HP1BP3: variants seen among roughly 807,000 people sequenced by gnomAD.
HP1BP3 encodes heterochromatin protein 1 binding protein 3, also known as heterochromatin protein 1-binding protein 3.
A neutral mutation model predicts 62.5 loss-of-function variants in HP1BP3; 12 were observed. The observed-to-expected ratio is 0.19, with a 90% CI of 0.12 to 0.31. HP1BP3 has a LOEUF of 0.31. HP1BP3 is among the 10% of genes least tolerant of loss of function. The pLI is 1.00. For synonymous variants in HP1BP3, 260 were observed against 237.8 expected, an observed-to-expected ratio of 1.09 and a Z score of -0.86; for missense variants, 502 against 651.8, an observed-to-expected ratio of 0.77 and a Z score of 2.50.
At chr1:20,745,899 C>T (rs1489742300) in intron 11 of HP1BP3, among the ~76,000 whole-genome samples, 1 of 152,132 alleles carries the variant, frequency 6.6e-6, no homozygotes, top group Admixed American at 6.6e-5. Context: ...AAAATTAATC[C>T]ATAGTCATTT....
At chr1:20,773,862 G>A (rs1034106567) in intron 4 of HP1BP3, 1 of 302,488 alleles carries the variant, frequency 3.3e-6, no homozygotes, top group Non-Finnish European at 6.0e-6. Context: ...CTGGTATAAG[G>A]GCTCAGTACA....
In HP1BP3 at chr1:20,765,469, G is replaced by C. The variant is rs1263558110; in HGVS notation, c.798C>G (p.Ala266=). The stretch of plus-strand genomic sequence containing the variant: ...CTTTAGGTTCACAAAGGCGAGTAAA[G>C]GCCAGTGGGAGGACATCCTCCAATT... ...QVKLEDVLPL[A]FTRLCEPKEA... The change falls in exon 8 of 13, where the codon GCC becomes GCG. Residue 266 remains alanine, a synonymous_variant. Transcript: ENST00000438032. 6.2e-7 allele frequency: 1 copy of C among 1,613,374 alleles called. No individual in the cohort carries two copies. Among genetic ancestry groups the C allele is most frequent in the African/African-American group, 1.3e-5 (1 of 74,878 alleles).
At chr1:20,768,448 AAAAC>A (rs1373271792) in intron 6 of HP1BP3, among the ~76,000 whole-genome samples, 28 of 152,324 alleles carry the variant, frequency 1.8e-4, no homozygotes, top group South Asian at 8.3e-4. Flanking sequence ...TCCGTCTCAA[AAAAC>A]AAACAAACAA....
intron 5 of HP1BP3, among the ~76,000 whole-genome samples, chr1:20,771,301 G>A (rs534115532): frequency 1.3e-3 from 205 of 152,208 alleles, no homozygotes; most frequent in Non-Finnish European, 2.4e-3. Flanking sequence ...AGACCATACT[G>A]AACACGAACA....
intron 3 of HP1BP3, among the ~76,000 whole-genome samples, chr1:20,777,611 G>A (rs10916861): frequency 0.41 from 62,300 of 151,830 alleles, 13,080 homozygotes; most frequent in African/African-American, 0.43. Context: ...GGTGCGTGCC[G>A]CCATGCCCAG....
chr1:20,756,988 G>A (rs1002238390), intron 9 of HP1BP3, among the ~76,000 whole-genome samples, 178 bp downstream of exon 9: 2 of 152,170 alleles, frequency 1.3e-5, no homozygotes, highest in African/African-American at 4.8e-5. Context: ...GGGATTACAG[G>A]TGTGAGCCAC....
rs376360556 is a variant in HP1BP3, at chr1:20,757,220, T to G, written c.927A>C (p.Val309=). 6.2e-7 allele frequency: 1 copy of G among 1,612,828 alleles called. No individual in the cohort carries two copies. Among genetic ancestry groups the G allele is most frequent in the South Asian group, 1.1e-5 (1 of 90,994 alleles). Residue 309 remains valine (V), a synonymous_variant, in exon 9 of 13, where the codon GTA becomes GTC. Transcript: ENST00000438032. ...TTATCTGTTCTAACTGGCCCCTCTCTACTGCTCTCTGCAGAGCGTTCTTCA... is the reference window on the plus strand; with the variant it reads ...TTATCTGTTCTAACTGGCCCCTCTCGACTGCTCTCTGCAGAGCGTTCTTCA... ...QLLKNALQRA[V]ERGQLEQITG... is the part of the protein sequence containing the mutation.
At chr1:20,760,839 T>C (rs909765140) in intron 8 of HP1BP3, among the ~76,000 whole-genome samples, 2 of 152,136 alleles carry the variant, frequency 1.3e-5, no homozygotes, top group Admixed American at 1.3e-4. Flanking sequence ...CCTTCTCAAA[T>C]AAATAAATAA....
At chr1:20,759,459 GTA>G (rs2056331352) in intron 8 of HP1BP3, among the ~76,000 whole-genome samples, 2 of 152,164 alleles carry the variant, frequency 1.3e-5, no homozygotes. Flanking sequence ...ATCCTTCTTT[GTA>G]TATGTTTGAA....
chr1:20,749,843 G>C lies in HP1BP3; in HGVS notation c.1021C>G (p.Leu341Val), dbSNP rs752533079. ...GCAGACAAGATTGCATATTCCATCAGGCTTCCACCAAGCAGGGGTTTCTCC... is the reference window on the plus strand; with the variant it reads ...GCAGACAAGATTGCATATTCCATCACGCTTCCACCAAGCAGGGGTTTCTCC... ...SGEKPLLGGS[L>V]MEYAILSAIA... Residue 341 changes from leucine (L) to valine (V), a missense_variant, in exon 10 of 13, where the codon CTG becomes GTG. By Grantham distance (32) the Leu-to-Val change is conservative. Coordinates refer to ENST00000438032, the MANE Select transcript of HP1BP3 (RefSeq NM_001372052.1). 1.2e-6 allele frequency: 2 copies of C among 1,614,040 alleles called. No homozygotes were observed. Among genetic ancestry groups the C allele is most frequent in the Non-Finnish European group, 1.7e-6 (2 of 1,179,990 alleles).
rs949416467 is a variant in HP1BP3 at position 20,741,287 on chromosome 1, T to C, written c.*3510A>G. 6.0e-4 allele frequency among the ~76,000 whole-genome samples: 91 copies of C among 152,328 alleles called. No individual in the cohort carries two copies. Among genetic ancestry groups the C allele is most frequent in the African/African-American group, 2.1e-3 (87 of 41,580 alleles). Reference sequence around the variant, plus strand: ...GCTGGTGAGTTTCGTTCTCATGACGTATCAAGATGGCAAGAGGGTCACAGC... The same window carrying C: ...GCTGGTGAGTTTCGTTCTCATGACGCATCAAGATGGCAAGAGGGTCACAGC... On this transcript the variant is annotated 3_prime_UTR_variant, in exon 13 of 13. Transcript: ENST00000438032.
At chr1:20,756,012 A>T (rs535274316) in intron 9 of HP1BP3, among the ~76,000 whole-genome samples, 15 of 152,224 alleles carry the variant, frequency 9.9e-5, no homozygotes, top group Non-Finnish European at 2.1e-4. Flanking sequence ...GAGTGACTGC[A>T]AATGGCTACA....
At chr1:20,786,372 A>G (rs1234825097) in intron 1 of HP1BP3, 1 of 152,448 alleles carries the variant, frequency 6.6e-6, no homozygotes, top group Non-Finnish European at 1.5e-5. Context: ...GACAGCCGAC[A>G]GCCCCGCCCG....
chr1:20,757,916 C>T (rs971912757), intron 8 of HP1BP3, among the ~76,000 whole-genome samples: 3 of 151,888 alleles, frequency 2.0e-5, no homozygotes, highest in Non-Finnish European at 4.4e-5. Flanking sequence ...GAGGCCGAGG[C>T]GGGTGGATCA....
chr1:20,755,258 G>C (rs563845588), intron 9 of HP1BP3: 8 of 352,884 alleles, frequency 2.3e-5, no homozygotes, highest in Non-Finnish European at 4.8e-5. Flanking sequence ...AACAAACGTT[G>C]AGGAGGATAT....
intron 7 of HP1BP3, 106 bp downstream of exon 7, chr1:20,767,478 T>C: frequency 2.5e-6 from 2 of 815,342 alleles, no homozygotes; most frequent in South Asian, 1.5e-5. Context: ...GCAGAAAGGC[T>C]GAACCTTGCA....
At position 20,780,516 on chromosome 1, in the gene HP1BP3, G is replaced by C. The variant is rs531976282; in HGVS notation, c.-76C>G. Reference sequence around the variant, plus strand: ...GTTAACCACAAGGATTTTTCCTAATGGTTTCAGTGTGGTGAAGAATCAACC... The same window carrying C: ...GTTAACCACAAGGATTTTTCCTAATCGTTTCAGTGTGGTGAAGAATCAACC... On this transcript the variant is annotated 5_prime_UTR_variant, in exon 2 of 13. Transcript: ENST00000438032. The C allele has an allele frequency of 1.9e-6, 2 of 1,043,738 alleles. No homozygotes were observed. Among genetic ancestry groups the C allele is most frequent in the East Asian group, 4.8e-5 (2 of 42,052 alleles). 64.7% of individuals were successfully genotyped at this position (1,043,738 alleles called of 1,614,324 possible).
chr1:20,773,673 A>C, intron 4 of HP1BP3, 63 bp from the exon 5 acceptor site: 3 of 1,169,734 alleles, frequency 2.6e-6, no homozygotes, highest in Non-Finnish European at 3.4e-6. Flanking sequence ...TAAAGTCAGA[A>C]GGAGGAAAAG....
chr1:20,779,851 G>A lies in HP1BP3; in HGVS notation c.157C>T (p.Pro53Ser), dbSNP rs1024121201. ...TCCCCTTCAGCAAGCTTGCTTTTGGGAGGAGTTTCCCGGGTAGAATTCACA... is the reference window on the plus strand; with the variant it reads ...TCCCCTTCAGCAAGCTTGCTTTTGGAAGGAGTTTCCCGGGTAGAATTCACA... Reference protein sequence around the residue: ...RTVNSTRETPPKSKLAEGEEE... With the variant: ...RTVNSTRETPSKSKLAEGEEE... The change falls in exon 3 of 13, where the codon CCC (proline) becomes TCC (serine). Residue 53 changes from proline to serine, a missense_variant. Transcript: ENST00000438032. The A allele has an allele frequency of 6.2e-7, 1 of 1,613,454 alleles. No homozygotes were observed. The highest frequency in any genetic ancestry group is 1.3e-5 in the African/African-American group (1 of 75,014).
Sources: gnomAD v4.1 joint callset for allele counts (sites outside exome capture counted in the v4.1 genomes callset) on GRCh38, gnomAD v4.1.1 for gene constraint, MANE v1.5 for transcripts, NCBI Gene and HGNC (gene_info 2026-07-23, HGNC 2026-07-21) for gene names.